Variants in MAOB observed in about 807,000 individuals in gnomAD.
MAOB encodes the protein monoamine oxidase B.
In MAOB, 15 loss-of-function variants were observed where a neutral mutation model predicts 41.9. The ratio of observed to expected loss-of-function variants is 0.36; its 90% CI spans 0.24 to 0.55. The LOEUF is 0.55. Among genes scored for constraint, MAOB ranks in the 20% least tolerant of loss-of-function variants. MAOB has a pLI of 0.86. For missense variants in MAOB, 345 were observed against 398.7 expected (o/e 0.87, Z 1.15); for synonymous variants, 167 against 144.2 (o/e 1.16, Z -1.13).
At chrX:43,820,238 A>G (rs1483708311) in intron 3 of MAOB, among the ~76,000 whole-genome samples, 1 of 112,516 alleles carries the variant, frequency 8.9e-6, no homozygotes, top group Non-Finnish European at 1.9e-5. Flanking sequence ...TAGTCTTACT[A>G]CAAGAATTTC....
At position 43,775,056 on chromosome X, in the gene MAOB, T is replaced by G. The variant is rs1361419321; in HGVS notation, c.1235+119A>C. The G allele has an allele frequency of 3.1e-4, 48 of 154,064 alleles. 1 individual carries two copies. Among genetic ancestry groups the G allele is most frequent in the East Asian group, 1.4e-3 (6 of 4,148 alleles). 12.7% of individuals were successfully genotyped at this position (154,064 alleles called of 1,213,427 possible). ...ATAAGATACAAAGGAAATTGGGTTG[T>G]TTTTTTTTTTTTTTTTTGTATTTAT... On this transcript the variant is annotated intron_variant, in intron 12 of 14. Coordinates refer to ENST00000378069, the MANE Select transcript of MAOB (RefSeq NM_000898.5).
At chrX:43,875,101 A>G (rs1425662336) in intron 1 of MAOB, among the ~76,000 whole-genome samples, 2 of 111,963 alleles carry the variant, frequency 1.8e-5, no homozygotes, top group Non-Finnish European at 3.8e-5. Flanking sequence ...AGATGGATCC[A>G]TTTTGTGAGC....
intron 1 of MAOB, among the ~76,000 whole-genome samples, chrX:43,861,000 T>A (rs1436139103): frequency 1.8e-5 from 2 of 112,255 alleles, no homozygotes; most frequent in East Asian, 5.6e-4. Flanking sequence ...CATTACTGCA[T>A]CCTATTTTAC....
In MAOB at chrX:43,817,368, C is replaced by A. The variant is rs188795356; in HGVS notation, c.280-13964G>T. ...TCCCATACATAATCAGCCATCAAAA[C>A]GACCAGTTCTAAATTCAAAATATAT... is the stretch of plus-strand genomic sequence containing the variant. On this transcript the variant is annotated intron_variant, in intron 3 of 14. Coordinates refer to ENST00000378069, the MANE Select transcript of MAOB (RefSeq NM_000898.5). 8.0e-3 allele frequency among the ~76,000 whole-genome samples: 893 copies of A among 111,011 alleles called. 11 individuals are homozygous for A. The highest frequency in any genetic ancestry group is 0.028 in the African/African-American group (856 of 30,509).
chrX:43,869,534 G>C (rs2035387092), intron 1 of MAOB, among the ~76,000 whole-genome samples: 1 of 111,731 alleles, frequency 9.0e-6, no homozygotes, highest in Non-Finnish European at 1.9e-5. Flanking sequence ...GGACCCCAAA[G>C]TGTATGATTC....
At chrX:43,871,160 C>T (rs1273048828) in intron 1 of MAOB, among the ~76,000 whole-genome samples, 1 of 111,350 alleles carries the variant, frequency 9.0e-6, no homozygotes, top group Non-Finnish European at 1.9e-5. Flanking sequence ...TGGATTGAAG[C>T]AAGAGGGTAC....
At chrX:43,823,092 T>C (rs771430194) in intron 3 of MAOB, among the ~76,000 whole-genome samples, 5 of 108,619 alleles carry the variant, frequency 4.6e-5, no homozygotes, top group Admixed American at 2.0e-4. Context: ...AGCTAGTAAA[T>C]AGCGAGTTCA....
chrX:43,845,113 G>A (rs1454687562), intron 1 of MAOB, among the ~76,000 whole-genome samples: 1 of 111,829 alleles, frequency 8.9e-6, no homozygotes, highest in Non-Finnish European at 1.9e-5. Flanking sequence ...TGTAGTTTTT[G>A]ACCTCAAAGC....
intron 3 of MAOB, among the ~76,000 whole-genome samples, chrX:43,832,223 C>T (rs778570460): frequency 8.9e-6 from 1 of 112,025 alleles, no homozygotes; most frequent in Non-Finnish European, 1.9e-5. Flanking sequence ...GTAAAACTGT[C>T]GCCAGCTTTA....
intron 3 of MAOB, among the ~76,000 whole-genome samples, chrX:43,805,817 G>A (rs1379069135): frequency 6.3e-5 from 7 of 111,363 alleles, no homozygotes; most frequent in African/African-American, 2.0e-4. Context: ...TCACACAGTG[G>A]GTGTATGTTT....
At chrX:43,865,269 A>T (rs944490923) in intron 1 of MAOB, among the ~76,000 whole-genome samples, 2 of 112,414 alleles carry the variant, frequency 1.8e-5, no homozygotes, top group Non-Finnish European at 3.8e-5. Context: ...AATCTTGAAG[A>T]CATGATGCTA....
chrX:43,847,945 G>A (rs1227295221), intron 1 of MAOB, among the ~76,000 whole-genome samples: 2 of 112,407 alleles, frequency 1.8e-5, no homozygotes, highest in Non-Finnish European at 3.8e-5. Context: ...AATATTTGAT[G>A]TTATGAAATT....
intron 1 of MAOB, among the ~76,000 whole-genome samples, chrX:43,845,859 T>A (rs893619469): frequency 8.9e-6 from 1 of 112,032 alleles, no homozygotes; most frequent in African/African-American, 3.2e-5. Context: ...ATTCCCATTT[T>A]ATAGAGAGGC....
chrX:43,782,854 C>T (rs918729377), intron 8 of MAOB, among the ~76,000 whole-genome samples: 2 of 111,722 alleles, frequency 1.8e-5, no homozygotes, highest in African/African-American at 6.5e-5. Flanking sequence ...AATCAATAAA[C>T]GTAATCCGTC....
chrX:43,808,091 C>T (rs917346484), intron 3 of MAOB, among the ~76,000 whole-genome samples: 35 of 110,971 alleles, frequency 3.2e-4, no homozygotes, highest in African/African-American at 1.1e-3. Flanking sequence ...TAGCAAAGAA[C>T]CAAATCAAGA....
intron 3 of MAOB, among the ~76,000 whole-genome samples, chrX:43,836,802 A>G (rs2035077079): frequency 8.9e-6 from 1 of 112,538 alleles, no homozygotes; most frequent in Non-Finnish European, 1.9e-5. Flanking sequence ...GACTTATTTT[A>G]AATATAAAGA....
intron 3 of MAOB, among the ~76,000 whole-genome samples, chrX:43,822,401 T>C (rs1295880109): frequency 1.8e-5 from 2 of 111,975 alleles, no homozygotes; most frequent in Non-Finnish European, 3.8e-5. Context: ...ATTGTGTTGA[T>C]TTAAAGGAGA....
At chrX:43,839,879 G>T (rs976390520) in intron 2 of MAOB, among the ~76,000 whole-genome samples, 2 of 112,058 alleles carry the variant, frequency 1.8e-5, no homozygotes, top group Admixed American at 1.9e-4. Flanking sequence ...GGAATATGAA[G>T]ATTTCAAGAA....
At chrX:43,796,383 T>G (rs1008030994) in intron 6 of MAOB, among the ~76,000 whole-genome samples, 1 of 111,421 alleles carries the variant, frequency 9.0e-6, no homozygotes, top group African/African-American at 3.3e-5. Flanking sequence ...CTGGGTCAGA[T>G]GCCTGCTGCT....
Sources: allele counts gnomAD v4.1 joint callset (sites outside exome capture counted in the v4.1 genomes callset), GRCh38; gene constraint gnomAD v4.1.1; transcripts MANE v1.5; gene names NCBI Gene and HGNC (gene_info 2026-07-23, HGNC 2026-07-21).